Variants in FZD2 observed in about 807,000 individuals in gnomAD.
FZD2 encodes the protein frizzled class receptor 2, also known as frizzled-2.
In FZD2, 17 loss-of-function variants were observed where a neutral mutation model predicts 36.7. That is an observed-to-expected ratio of 0.46 (90% CI 0.32 to 0.70). The LOEUF is 0.70. Among genes scored for constraint, FZD2 ranks in the 30% least tolerant of loss-of-function variants. The pLI is 0.04. For synonymous variants in FZD2, 333 were observed against 359.6 expected, an observed-to-expected ratio of 0.93 and a Z score of 0.84; for missense variants, 525 against 805.6, an observed-to-expected ratio of 0.65 and a Z score of 4.22.
rs761463887 is a variant in FZD2, at chr17:44,557,866, C to T, written c.178C>T (p.Leu60Phe). The T allele has an allele frequency of 6.2e-7, 1 of 1,614,192 alleles. No homozygotes were observed. Among genetic ancestry groups the T allele is most frequent in the South Asian group, 1.1e-5 (1 of 91,090 alleles). The change falls in exon 1 of 1, where the codon CTT becomes TTT. Residue 60 changes from leucine (L) to phenylalanine (F), a missense_variant. Physicochemically the swap from Leu to Phe is conservative, Grantham distance 22 (BLOSUM62 0). Coordinates refer to ENST00000315323, the MANE Select transcript of FZD2 (RefSeq NM_001466.4). This position sits in a 1 kb window ranked among gnomAD's most constrained non-coding sequence, Gnocchi z 4.9. The stretch of plus-strand genomic sequence containing the variant: ...CTACAACCAGACCATCATGCCCAAC[C>T]TTCTGGGCCACACGAACCAGGAGGA... Reference protein sequence around the residue: ...IAYNQTIMPNLLGHTNQEDAG... With the variant: ...IAYNQTIMPNFLGHTNQEDAG...
rs969173988 is a variant in FZD2, at chr17:44,560,660, A to G, written c.*1274A>G. ...GAGTGTTTACATTACATTCTATATC[A>G]CAAGATTGATAGGATGTTTAAAGCA... On this transcript the variant is annotated 3_prime_UTR_variant, in exon 1 of 1. Coordinates refer to ENST00000315323, the MANE Select transcript of FZD2 (RefSeq NM_001466.4). 2.6e-5 allele frequency among the ~76,000 whole-genome samples: 4 copies of G among 151,826 alleles called. No homozygotes were observed. Among genetic ancestry groups the G allele is most frequent in the African/African-American group, 9.7e-5 (4 of 41,292 alleles).
rs1181819528 is a variant in FZD2 at position 44,557,820 on chromosome 17, C to A, written c.132C>A (p.Ile44=). The A allele has an allele frequency of 6.2e-7, 1 of 1,614,026 alleles. No individual in the cohort carries two copies. The highest frequency in any genetic ancestry group is 8.5e-7 in the Non-Finnish European group (1 of 1,180,012). The change falls in exon 1 of 1, where the codon ATC becomes ATA. Residue 44 remains isoleucine, a synonymous_variant. Transcript: ENST00000315323. The surrounding 1 kb of genome is among the most constrained non-coding windows in gnomAD (Gnocchi z 4.9). ...ACGGCTTCTGCCAGCCCATCTCCAT[C>A]CCGCTGTGCACGGACATCGCCTACA... ...PDHGFCQPIS[I]PLCTDIAYNQ...
In FZD2 at chr17:44,561,260, T is replaced by G. The variant is rs957369796; in HGVS notation, c.*1874T>G. ...ATAATAAAGTGCATTTAATTATCTTTGAGAGATCTATCCTTTTAATTGTAT... is the reference window on the plus strand; with the variant it reads ...ATAATAAAGTGCATTTAATTATCTTGGAGAGATCTATCCTTTTAATTGTAT... On this transcript the variant is annotated 3_prime_UTR_variant, in exon 1 of 1. Coordinates refer to ENST00000315323, the MANE Select transcript of FZD2 (RefSeq NM_001466.4). Among the ~76,000 whole-genome samples the G allele has an allele frequency of 1.3e-5, 2 of 152,248 alleles. No homozygotes were observed. Among genetic ancestry groups the G allele is most frequent in the African/African-American group, 4.8e-5 (2 of 41,472 alleles).
At position 44,558,839 on chromosome 17, in the gene FZD2, C is replaced by T; in HGVS notation, c.1151C>T (p.Thr384Ile). 1 of 1,613,954 alleles carries T rather than the reference C, an allele frequency of 6.2e-7. No homozygotes were observed. The highest frequency in any genetic ancestry group is 2.2e-5 in the East Asian group (1 of 44,874). The part of the protein sequence containing the change: ...LAAWAVPAVK[T>I]ITILAMGQID... ...GCCTGGGCCGTGCCGGCCGTCAAGA[C>T]CATCACCATCCTGGCCATGGGCCAG... is the stretch of plus-strand genomic sequence containing the variant. Residue 384 changes from threonine to isoleucine, a missense_variant, in exon 1 of 1, where the codon ACC (threonine) becomes ATC (isoleucine). Physicochemically the swap from Thr to Ile is moderately conservative, Grantham distance 89. Transcript: ENST00000315323. This position sits in a 1 kb window ranked among gnomAD's most constrained non-coding sequence, Gnocchi z 9.3.
Position 44,559,157 on chromosome 17 carries a change from G to A in FZD2, c.1469G>A (p.Trp490Ter). 1 of 1,613,934 alleles carries A rather than the reference G, an allele frequency of 6.2e-7. No individual in the cohort carries two copies. The highest frequency in any genetic ancestry group is 8.5e-7 in the Non-Finnish European group (1 of 1,180,006). Residue 490 changes from tryptophan to a stop codon, truncating the protein, a stop_gained, in exon 1 of 1, where the codon TGG becomes TAG. Coordinates refer to ENST00000315323, the MANE Select transcript of FZD2 (RefSeq NM_001466.4). LOFTEE classifies it high-confidence loss of function. This position sits in a 1 kb window ranked among gnomAD's most constrained non-coding sequence, Gnocchi z 4.4. ...TACGAGCAGGCCTTCCGCGAGCACT[G>A]GGAGCGCTCGTGGGTGAGCCAGCAC... The part of the protein sequence containing the change: ...YFYEQAFREH[W>*]ERSWVSQHCK...
At position 44,557,726 on chromosome 17, in the gene FZD2, CGCT is replaced by C. The variant is rs761743182; in HGVS notation, c.50_52del (p.Leu17del). Reference sequence around the variant, plus strand: ...AGCGCCCTGCCCCGCCTGCTGCTGCCGCTGCTGCTGCTGCCCGCCGCCGGGCCG... The same window carrying C: ...AGCGCCCTGCCCCGCCTGCTGCTGCCGCTGCTGCTGCCCGCCGCCGGGCCG... On this transcript the variant is annotated inframe_deletion, in exon 1 of 1. Coordinates refer to ENST00000315323, the MANE Select transcript of FZD2 (RefSeq NM_001466.4). The surrounding 1 kb of genome is among the most constrained non-coding windows in gnomAD (Gnocchi z 4.9). 20 of 1,599,378 alleles carry C rather than the reference CGCT, an allele frequency of 1.3e-5. No individual in the cohort carries two copies. The highest frequency in any genetic ancestry group is 4.6e-5 in the East Asian group (2 of 43,682).
At position 44,559,296 on chromosome 17, in the gene FZD2, C is replaced by T; in HGVS notation, c.1608C>T (p.Gly536=). ...LMTLIVGITS[G]FWIWSGKTLH... is the part of the protein sequence containing the mutation. The stretch of plus-strand genomic sequence containing the variant: ...CGCTCATCGTGGGCATCACGTCGGG[C>T]TTCTGGATCTGGTCGGGCAAGACGC... The change falls in exon 1 of 1, where the codon GGC becomes GGT. Residue 536 remains glycine, a synonymous_variant. Coordinates refer to ENST00000315323, the MANE Select transcript of FZD2 (RefSeq NM_001466.4). The surrounding 1 kb of genome is among the most constrained non-coding windows in gnomAD (Gnocchi z 4.4). 6.2e-7 allele frequency: 1 copy of T among 1,614,034 alleles called. No homozygotes were observed.
rs904602738 is a variant in FZD2, at chr17:44,557,672, G to T, written c.-17G>T. 5.0e-5 allele frequency: 63 copies of T among 1,250,534 alleles called. No homozygotes were observed. Among genetic ancestry groups the T allele is most frequent in the Admixed American group, 8.7e-5 (2 of 23,046 alleles). The allele number at this position is 1,250,534 out of a possible 1,614,324, so 77.5% of individuals were successfully genotyped here. A position where few individuals can be genotyped will look rare whatever the true frequency, so the allele number is the denominator to read the frequency against. On this transcript the variant is annotated 5_prime_UTR_variant, in exon 1 of 1. Transcript: ENST00000315323. This position sits in a 1 kb window ranked among gnomAD's most constrained non-coding sequence, Gnocchi z 4.9. ...CGGGGGGGGCGCCAAGGAGCCGGGT[G>T]GGGGGCGGCGGCCAGCATGCGGCCC...
At position 44,559,116 on chromosome 17, in the gene FZD2, C is replaced by A. The variant is rs1445048511; in HGVS notation, c.1428C>A (p.Val476=). 6.2e-7 allele frequency: 1 copy of A among 1,614,146 alleles called. No individual in the cohort carries two copies. Among genetic ancestry groups the A allele is most frequent in the Non-Finnish European group, 8.5e-7 (1 of 1,180,046 alleles). ...TCTACACAGTGCCCGCCACCATCGT[C>A]ATCGCTTGCTACTTCTACGAGCAGG... The part of the protein sequence containing the change: ...SVLYTVPATI[V]IACYFYEQAF... The change falls in exon 1 of 1, where the codon GTC becomes GTA. Residue 476 remains valine (V), a synonymous_variant. Coordinates refer to ENST00000315323, the MANE Select transcript of FZD2 (RefSeq NM_001466.4). This position sits in a 1 kb window ranked among gnomAD's most constrained non-coding sequence, Gnocchi z 4.4.
rs1386235694 is a variant in FZD2, at chr17:44,560,127, C to CGA, written c.*741_*742insGA. 1.3e-5 allele frequency among the ~76,000 whole-genome samples: 2 copies of CGA among 152,196 alleles called. No homozygotes were observed. Among genetic ancestry groups the CGA allele is most frequent in the Non-Finnish European group, 2.9e-5 (2 of 68,038 alleles). ...GCAGGCTGGAAGATCTTTCTCCTGT[C>CGA]TGGCTTCTCTTCTTTTCAATTCGCT... On this transcript the variant is annotated 3_prime_UTR_variant, in exon 1 of 1. Transcript: ENST00000315323.
chr17:44,559,381 G>T lies in FZD2; in HGVS notation c.1693G>T (p.Val565Leu), dbSNP rs1265443674. ...LTNSRHGETTV is the reference protein window; with the variant it reads ...LTNSRHGETTL ...CAACAGCCGACACGGTGAGACCACC[G>T]TGTGAGGGACGCCCCCAGGCCGGAA... Residue 565 changes from valine (V) to leucine (L), a missense_variant, in exon 1 of 1, where the codon GTG becomes TTG. Physicochemically the swap from Val to Leu is conservative, Grantham distance 32. Coordinates refer to ENST00000315323, the MANE Select transcript of FZD2 (RefSeq NM_001466.4). The surrounding 1 kb of genome is among the most constrained non-coding windows in gnomAD (Gnocchi z 4.4). The T allele has an allele frequency of 1.3e-6, 2 of 1,598,832 alleles. No individual in the cohort carries two copies. The highest frequency in any genetic ancestry group is 1.7e-6 in the Non-Finnish European group (2 of 1,171,586).
At position 44,560,589 on chromosome 17, in the gene FZD2, TAGA is replaced by T. The variant is rs1051263692; in HGVS notation, c.*1209_*1211del. ...AAAAAAAAAGGTGGTATCTTTGCTT[TAGA>T]AGAAGTCTCTGGATAGGCCCTTTGT... is the stretch of plus-strand genomic sequence containing the variant. On this transcript the variant is annotated 3_prime_UTR_variant, in exon 1 of 1. Transcript: ENST00000315323. Among the ~76,000 whole-genome samples the T allele has an allele frequency of 1.3e-5, 2 of 151,728 alleles. No homozygotes were observed. Among genetic ancestry groups the T allele is most frequent in the African/African-American group, 4.8e-5 (2 of 41,348 alleles).
In FZD2 at chr17:44,559,356, C is replaced by T; in HGVS notation, c.1668C>T (p.Thr556=). The change falls in exon 1 of 1, where the codon ACC becomes ACT. Residue 556 remains threonine, a synonymous_variant. Transcript: ENST00000315323. This position sits in a 1 kb window ranked among gnomAD's most constrained non-coding sequence, Gnocchi z 4.4. ...HSWRKFYTRL[T]NSRHGETTV ...GGAGGAAGTTCTACACTCGCCTCAC[C>T]AACAGCCGACACGGTGAGACCACCG... The T allele has an allele frequency of 6.2e-7, 1 of 1,608,868 alleles. No individual in the cohort carries two copies. Among genetic ancestry groups the T allele is most frequent in the African/African-American group, 1.3e-5 (1 of 75,022 alleles).
Position 44,559,472 on chromosome 17 carries a change from A to G in FZD2, c.*86A>G, listed in dbSNP as rs1970864173. The G allele has an allele frequency of 7.0e-7, 1 of 1,427,726 alleles. No individual in the cohort carries two copies. The highest frequency in any genetic ancestry group is 9.1e-7 in the Non-Finnish European group (1 of 1,094,920). 88.4% of individuals were successfully genotyped at this position (1,427,726 alleles called of 1,614,324 possible). ...GACTCCGTATTTTATTTTTTTAAAT[A>G]AAAAACGATCGAAACCATTTCACTT... On this transcript the variant is annotated 3_prime_UTR_variant, in exon 1 of 1. Coordinates refer to ENST00000315323, the MANE Select transcript of FZD2 (RefSeq NM_001466.4). The surrounding 1 kb of genome is among the most constrained non-coding windows in gnomAD (Gnocchi z 4.4).
Position 44,558,090 on chromosome 17 carries a change from G to GCGCCTGCGCTGCGAGCAC in FZD2, c.403_420dup (p.Arg135_His140dup). ...ACAAGTTCGGTTTTCAGTGGCCCGAGCGCCTGCGCTGCGAGCACTTCCCGC... is the reference window on the plus strand; with the variant it reads ...ACAAGTTCGGTTTTCAGTGGCCCGAGCGCCTGCGCTGCGAGCACCGCCTGCGCTGCGAGCACTTCCCGC... On this transcript the variant is annotated inframe_insertion, in exon 1 of 1. Coordinates refer to ENST00000315323, the MANE Select transcript of FZD2 (RefSeq NM_001466.4). This position sits in a 1 kb window ranked among gnomAD's most constrained non-coding sequence, Gnocchi z 9.3. 1 of 1,608,298 alleles carries GCGCCTGCGCTGCGAGCAC rather than the reference G, an allele frequency of 6.2e-7. No individual in the cohort carries two copies. Among genetic ancestry groups the GCGCCTGCGCTGCGAGCAC allele is most frequent in the Non-Finnish European group, 8.5e-7 (1 of 1,179,902 alleles).
In FZD2 at chr17:44,558,141, C is replaced by A; in HGVS notation, c.453C>A (p.Val151=). 1 of 1,602,096 alleles carries A rather than the reference C, an allele frequency of 6.2e-7. No individual in the cohort carries two copies. The change falls in exon 1 of 1, where the codon GTC becomes GTA. Residue 151 remains valine (V), a synonymous_variant. Transcript: ENST00000315323. The surrounding 1 kb of genome is among the most constrained non-coding windows in gnomAD (Gnocchi z 9.3). ...GCCACGGCGCCGAGCAGATCTGCGT[C>A]GGCCAGAACCACTCCGAGGACGGAG... is the stretch of plus-strand genomic sequence containing the variant. ...FPRHGAEQIC[V]GQNHSEDGAP... is the part of the protein sequence containing the mutation.
Position 44,560,432 on chromosome 17 carries a change from G to C in FZD2, c.*1046G>C, listed in dbSNP as rs1051191107. Among the ~76,000 whole-genome samples, 3 of 152,088 alleles carry C rather than the reference G, an allele frequency of 2.0e-5. No individual in the cohort carries two copies. Among genetic ancestry groups the C allele is most frequent in the Middle Eastern group, 3.4e-3 (1 of 294 alleles). Reference sequence around the variant, plus strand: ...TGTGTGGGTTTTTGTTGTTGTTTGGGGCTTATTTTTTTCAAAAAGTGATAA... The same window carrying C: ...TGTGTGGGTTTTTGTTGTTGTTTGGCGCTTATTTTTTTCAAAAAGTGATAA... On this transcript the variant is annotated 3_prime_UTR_variant, in exon 1 of 1. Transcript: ENST00000315323.
Position 44,558,654 on chromosome 17 carries a change from CAAG to C in FZD2, c.970_972del (p.Lys324del), listed in dbSNP as rs1447287485. On this transcript the variant is annotated inframe_deletion, in exon 1 of 1. Transcript: ENST00000315323. The surrounding 1 kb of genome is among the most constrained non-coding windows in gnomAD (Gnocchi z 9.3). Reference sequence around the variant, plus strand: ...GTTACCGCACGGTGGTGCAGGGCACCAAGAAGGAGGGCTGCACCATCCTCTTCA... The same window carrying C: ...GTTACCGCACGGTGGTGCAGGGCACCAAGGAGGGCTGCACCATCCTCTTCA... 1.9e-6 allele frequency: 3 copies of C among 1,614,110 alleles called. No homozygotes were observed. Among genetic ancestry groups the C allele is most frequent in the Non-Finnish European group, 2.5e-6 (3 of 1,180,050 alleles).
At position 44,561,167 on chromosome 17, in the gene FZD2, A is replaced by G. The variant is rs773486067; in HGVS notation, c.*1781A>G. 1.3e-5 allele frequency among the ~76,000 whole-genome samples: 2 copies of G among 152,264 alleles called. No homozygotes were observed. Among genetic ancestry groups the G allele is most frequent in the African/African-American group, 2.4e-5 (1 of 41,476 alleles). On this transcript the variant is annotated 3_prime_UTR_variant, in exon 1 of 1. Transcript: ENST00000315323. ...CCAAAGGATTAGTTTGAATACAAGT[A>G]TGCCACATAACTCAGTTTTCGCCAT...
Sources: allele counts gnomAD v4.1 joint callset (sites outside exome capture counted in the v4.1 genomes callset), GRCh38; gene constraint gnomAD v4.1.1; non-coding constraint Gnocchi (gnomAD v3.1); transcripts MANE v1.5; gene names NCBI Gene and HGNC (gene_info 2026-07-23, HGNC 2026-07-21).